ALK: variants seen among roughly 807,000 people sequenced by gnomAD.
ALK encodes the protein ALK tyrosine kinase receptor.
Under a neutral mutation model 163.1 loss-of-function variants are expected in ALK, and 74 were observed. The observed-to-expected ratio is 0.45, with a 90% confidence interval of 0.38 to 0.55. ALK has a LOEUF of 0.55. Ranked by LOEUF, ALK falls within the 20% of genes least tolerant of loss-of-function variation. The probability of loss-of-function intolerance (pLI) is 0.00; values close to 1 mark genes in which losing one functional copy is unlikely to be tolerated. For missense variants in ALK, 2,063 were observed against 2,105.3 expected, an observed-to-expected ratio of 0.98 and a Z score of 0.39; for synonymous variants, 960 against 843.2, an observed-to-expected ratio of 1.14 and a Z score of -2.40.
chr2:29,846,633 C>T (rs1558515922), intron 1 of ALK, among the ~76,000 whole-genome samples: 1 of 152,164 alleles, frequency 6.6e-6, no homozygotes, highest in Non-Finnish European at 1.5e-5. Flanking sequence ...ACCTCCTCCC[C>T]CGGGCATTGA....
chr2:29,240,663 G>T (rs1664501245), intron 12 of ALK, among the ~76,000 whole-genome samples: 1 of 152,124 alleles, frequency 6.6e-6, no homozygotes, highest in East Asian at 1.9e-4. Flanking sequence ...ACAGAGTGTG[G>T]GGATGGGAGA....
chr2:29,468,440 G>T (rs1187413752), intron 4 of ALK, among the ~76,000 whole-genome samples: 1 of 152,168 alleles, frequency 6.6e-6, no homozygotes, highest in Non-Finnish European at 1.5e-5. Context: ...TGAAGTTGAG[G>T]AGCCATGGAG....
chr2:29,201,765 C>A lies in ALK; in HGVS notation c.3939-4089G>T, dbSNP rs968901104. On this transcript the variant is annotated intron_variant, in intron 26 of 28. Transcript: ENST00000389048. Reference sequence around the variant, plus strand: ...TGGCGCCACTGTACTCCAGCCGGGGCGACAGAATGACAGTCTAAAAAAAAA... The same window carrying A: ...TGGCGCCACTGTACTCCAGCCGGGGAGACAGAATGACAGTCTAAAAAAAAA... 2.1e-5 allele frequency among the ~76,000 whole-genome samples: 3 copies of A among 143,790 alleles called. No individual in the cohort carries two copies. In the South Asian group the frequency reaches 6.7e-4, roughly 32 times the overall value. The allele number at this position is 143,790 out of a possible 152,430, so 94.3% of individuals were successfully genotyped here.
At chr2:29,637,807 T>C (rs1185192797) in intron 3 of ALK, among the ~76,000 whole-genome samples, 1 of 152,110 alleles carries the variant, frequency 6.6e-6, no homozygotes, top group African/African-American at 2.4e-5. Flanking sequence ...ACTTATGTTT[T>C]CAAGATATTA....
intron 3 of ALK, among the ~76,000 whole-genome samples, chr2:29,687,837 T>C (rs1177522367): frequency 6.6e-6 from 1 of 152,208 alleles, no homozygotes; most frequent in Non-Finnish European, 1.5e-5. Context: ...TGTATATGTG[T>C]AATTGTGGTA....
intron 4 of ALK, among the ~76,000 whole-genome samples, chr2:29,416,978 GC>G (rs1669895375): frequency 8.6e-6 from 1 of 116,018 alleles, no homozygotes; most frequent in African/African-American, 3.3e-5. Context: ...GATGTTTGAT[GC>G]TTTTTTTTTT....
intron 9 of ALK, among the ~76,000 whole-genome samples, chr2:29,282,297 C>A (rs1207687605): frequency 6.6e-6 from 1 of 152,176 alleles, no homozygotes; most frequent in Non-Finnish European, 1.5e-5. Context: ...GCTTGGGTCG[C>A]AGTAGGCATA....
chr2:29,798,542 G>C (rs926316257), intron 1 of ALK, among the ~76,000 whole-genome samples: 1 of 152,164 alleles, frequency 6.6e-6, no homozygotes, highest in Non-Finnish European at 1.5e-5. Flanking sequence ...AAAAACCCCC[G>C]CTCCTCGCAT....
At chr2:29,352,115 C>G (rs11127218) in intron 5 of ALK, among the ~76,000 whole-genome samples, 138,981 of 152,230 alleles carry the variant, frequency 0.91, 63,494 homozygotes, top group East Asian at 1. Flanking sequence ...CATCTGTGCT[C>G]CGCTTCAAGT....
chr2:29,476,677 G>A (rs1458812479), intron 4 of ALK, among the ~76,000 whole-genome samples: 2 of 152,076 alleles, frequency 1.3e-5, no homozygotes, highest in African/African-American at 4.8e-5. Flanking sequence ...GGAGGATGCA[G>A]GGAAGTGTGC....
At chr2:29,491,972 T>C (rs1196777333) in intron 4 of ALK, among the ~76,000 whole-genome samples, 1 of 152,254 alleles carries the variant, frequency 6.6e-6, no homozygotes, top group Non-Finnish European at 1.5e-5. Flanking sequence ...AAAATTCATT[T>C]ACATAACAGC....
intron 4 of ALK, among the ~76,000 whole-genome samples, chr2:29,435,147 G>A (rs553499841): frequency 1.3e-5 from 2 of 152,200 alleles, no homozygotes; most frequent in South Asian, 2.1e-4. Flanking sequence ...CCCAAAACGC[G>A]GTGGAAATGA....
At chr2:29,418,096 T>C (rs1173576884) in intron 4 of ALK, among the ~76,000 whole-genome samples, 1 of 152,232 alleles carries the variant, frequency 6.6e-6, no homozygotes, top group South Asian at 2.1e-4. Flanking sequence ...AGTTTGCTTT[T>C]ACTAATTGGA....
chr2:29,324,556 G>A (rs1667190169), intron 6 of ALK, among the ~76,000 whole-genome samples: 1 of 152,118 alleles, frequency 6.6e-6, no homozygotes, highest in Admixed American at 6.5e-5. Context: ...TTTTTGCCTG[G>A]CAGGAAGAGT....
intron 3 of ALK, among the ~76,000 whole-genome samples, chr2:29,687,582 GACA>G (rs1678275913): frequency 6.6e-6 from 1 of 151,828 alleles, no homozygotes; most frequent in Non-Finnish European, 1.5e-5. Context: ...AATAATATAT[GACA>G]ATGAACTCAA....
chr2:29,643,831 T>A (rs182544981), intron 3 of ALK, among the ~76,000 whole-genome samples: 18 of 152,216 alleles, frequency 1.2e-4, no homozygotes, highest in Admixed American at 3.3e-4. Context: ...ATTGTGGAAG[T>A]CAGTGTGGCA....
chr2:29,657,946 T>C (rs6734000), intron 3 of ALK, among the ~76,000 whole-genome samples: 1,677 of 152,234 alleles, frequency 0.011, 28 homozygotes, highest in African/African-American at 0.039. Flanking sequence ...TCACTTTGGG[T>C]CACTTGCTGG....
chr2:29,890,288 G>A (rs1413861778), intron 1 of ALK: 1 of 149,182 alleles, frequency 6.7e-6, no homozygotes, highest in Non-Finnish European at 1.5e-5. Context: ...TACTGTTTCA[G>A]AATGAAACAG....
At chr2:29,652,646 G>A (rs1405802115) in intron 3 of ALK, among the ~76,000 whole-genome samples, 32 of 152,084 alleles carry the variant, frequency 2.1e-4, no homozygotes, top group Admixed American at 2.1e-3. Context: ...CTCAGCCTCA[G>A]GGAAGGACAA....
Sources: allele counts gnomAD v4.1 joint callset (sites outside exome capture counted in the v4.1 genomes callset), GRCh38; gene constraint gnomAD v4.1.1; transcripts MANE v1.5; gene names NCBI Gene and HGNC (gene_info 2026-07-23, HGNC 2026-07-21).